The following SMIM35 variants were observed in gnomAD, a reference collection of about 807,000 sequenced individuals.
SMIM35 encodes the protein small integral membrane protein 35, also known as TMPRSS4 antisense RNA 1 (non-protein coding).
chr11:118,078,483 T>A (rs767500419), intron 1 of SMIM35, among the ~76,000 whole-genome samples: 23 of 152,150 alleles, frequency 1.5e-4, no homozygotes, highest in Non-Finnish European at 2.9e-4. Flanking sequence ...CTTAGTGCGG[T>A]TGTAGCTGAT....
intron 4 of SMIM35, among the ~76,000 whole-genome samples, chr11:118,007,095 C>T (rs1286856728): frequency 6.6e-6 from 1 of 152,186 alleles, no homozygotes; most frequent in Non-Finnish European, 1.5e-5. Flanking sequence ...CTCCACCCAC[C>T]TCCTTCTCCA....
At chr11:118,063,455 G>T (rs1358708498) in intron 1 of SMIM35, among the ~76,000 whole-genome samples, 1 of 151,892 alleles carries the variant, frequency 6.6e-6, no homozygotes, top group Non-Finnish European at 1.5e-5. Flanking sequence ...GAATCTTTTT[G>T]CCTATTGTGG....
intron 4 of SMIM35, among the ~76,000 whole-genome samples, chr11:118,012,816 C>A (rs906778885): frequency 6.6e-6 from 1 of 152,174 alleles, no homozygotes; most frequent in Non-Finnish European, 1.5e-5. Flanking sequence ...TCTGGAATCA[C>A]CTCTGTATAA....
intron 1 of SMIM35, among the ~76,000 whole-genome samples, chr11:118,055,127 T>A (rs1944289196): frequency 6.6e-6 from 1 of 152,130 alleles, no homozygotes; most frequent in Admixed American, 6.5e-5. Flanking sequence ...TTTTGAACTT[T>A]CAGGATTTCA....
chr11:118,074,366 CA>C (rs1483441325), intron 1 of SMIM35, among the ~76,000 whole-genome samples: 3 of 151,940 alleles, frequency 2.0e-5, no homozygotes, highest in Non-Finnish European at 2.9e-5. Flanking sequence ...AGAGGAAAAA[CA>C]GGAGGAGGAT....
At chr11:118,072,972 G>C (rs1349659867) in intron 1 of SMIM35, among the ~76,000 whole-genome samples, 1 of 152,252 alleles carries the variant, frequency 6.6e-6, no homozygotes, top group African/African-American at 2.4e-5. Flanking sequence ...CCAGGCTGGA[G>C]TGCAGTGGCA....
chr11:118,019,270 T>C (rs1223058352), intron 1 of SMIM35, among the ~76,000 whole-genome samples: 1 of 152,104 alleles, frequency 6.6e-6, no homozygotes, highest in East Asian at 1.9e-4. Flanking sequence ...ACAAACCATC[T>C]AAAACAATGG....
intron 1 of SMIM35, among the ~76,000 whole-genome samples, chr11:118,068,415 G>A (rs531625395): frequency 1.7e-4 from 26 of 152,236 alleles, no homozygotes; most frequent in African/African-American, 4.8e-4. Flanking sequence ...TCTCCCTCCC[G>A]GCCTGTGAAA....
At chr11:118,049,621 T>G (rs1002892494) in intron 1 of SMIM35, among the ~76,000 whole-genome samples, 9 of 152,106 alleles carry the variant, frequency 5.9e-5, no homozygotes, top group African/African-American at 2.2e-4. Context: ...AGTGCTGGGA[T>G]TACAGGCATG....
intron 4 of SMIM35, among the ~76,000 whole-genome samples, chr11:118,008,571 T>C (rs2058134388): frequency 6.6e-6 from 1 of 152,234 alleles, no homozygotes; most frequent in Non-Finnish European, 1.5e-5. Context: ...TCCTTTAAGA[T>C]AGAAAAATCG....
intron 1 of SMIM35, among the ~76,000 whole-genome samples, chr11:118,051,968 G>A (rs1285105963): frequency 6.6e-6 from 1 of 152,182 alleles, no homozygotes; most frequent in Non-Finnish European, 1.5e-5. Context: ...TCTGAATCAT[G>A]AACCTTCTGC....
intron 1 of SMIM35, among the ~76,000 whole-genome samples, chr11:118,057,381 G>C (rs971071476): frequency 2.6e-5 from 4 of 152,196 alleles, no homozygotes; most frequent in Admixed American, 2.6e-4. Context: ...CATCTGATGA[G>C]AGCATTGGGG....
intron 1 of SMIM35, chr11:118,028,874 TG>T (rs1317101644): frequency 4.7e-6 from 2 of 424,426 alleles, no homozygotes; most frequent in South Asian, 1.7e-5. Flanking sequence ...AGAAAAAAGT[TG>T]GGGGAGAAGA....
intron 1 of SMIM35, among the ~76,000 whole-genome samples, chr11:118,039,425 A>G (rs1565388128): frequency 6.6e-6 from 1 of 152,140 alleles, no homozygotes; most frequent in Non-Finnish European, 1.5e-5. Context: ...TAGAGGAGCT[A>G]GTGGCCTGGC....
intron 1 of SMIM35, among the ~76,000 whole-genome samples, chr11:118,023,343 A>G (rs2058247250): frequency 6.6e-6 from 1 of 151,964 alleles, no homozygotes; most frequent in Non-Finnish European, 1.5e-5. Flanking sequence ...ATTATAAAAG[A>G]CCCTTTTTTT....
chr11:118,048,147 T>C (rs140494339), intron 1 of SMIM35, among the ~76,000 whole-genome samples: 49 of 152,352 alleles, frequency 3.2e-4, no homozygotes, highest in African/African-American at 1.2e-3. Flanking sequence ...TTAACTAGCA[T>C]ATCAAATCCT....
chr11:118,027,577 T>G (rs2058284997), intron 1 of SMIM35, among the ~76,000 whole-genome samples: 1 of 152,198 alleles, frequency 6.6e-6, no homozygotes, highest in Non-Finnish European at 1.5e-5. Context: ...AAACAAATTT[T>G]AAAAGGCATC....
chr11:118,009,359 AC>A (rs1373398452), intron 4 of SMIM35, among the ~76,000 whole-genome samples: 1 of 152,238 alleles, frequency 6.6e-6, no homozygotes, highest in African/African-American at 2.4e-5. Context: ...TTGGCCTTGA[AC>A]AAATCACTTC....
intron 1 of SMIM35, among the ~76,000 whole-genome samples, chr11:118,049,881 C>T (rs1342022477): frequency 1.3e-5 from 2 of 152,020 alleles, no homozygotes; most frequent in South Asian, 2.1e-4. Context: ...AACTGTGCCT[C>T]CCACACTAGA....
Sources: gnomAD v4.1 joint callset for allele counts (sites outside exome capture counted in the v4.1 genomes callset) on GRCh38, gnomAD v4.1.1 for gene constraint, MANE v1.5 for transcripts, NCBI Gene and HGNC (gene_info 2026-07-23, HGNC 2026-07-21) for gene names.